CEP63: variants seen among roughly 807,000 people sequenced by gnomAD.
The protein encoded by CEP63 is centrosomal protein 63, also known as centrosomal protein of 63 kDa.
A neutral mutation model predicts 89.1 loss-of-function variants in CEP63; 84 were observed. The observed-to-expected ratio is 0.94, with a 90% CI of 0.79 to 1.13. CEP63 has a LOEUF of 1.13. Among genes scored for constraint, CEP63 ranks in the 50% most tolerant of loss-of-function variants. The pLI is 0.00. For synonymous variants in CEP63, 267 were observed against 272.5 expected (o/e 0.98, Z 0.20); for missense variants, 838 against 813.3 (o/e 1.03, Z -0.37).
the CEP63 span, among the ~76,000 whole-genome samples, chr3:134,734,187 A>G: frequency 6.6e-6 from 1 of 152,250 alleles, no homozygotes; most frequent in Non-Finnish European, 1.5e-5. Context: ...CATGCATTGC[A>G]GCTTTGTTTA....
the CEP63 span, among the ~76,000 whole-genome samples, chr3:134,705,081 G>A: frequency 1.3e-5 from 2 of 152,268 alleles, no homozygotes; most frequent in Middle Eastern, 3.4e-3. Context: ...AAAATAACCT[G>A]CAAGAGGCTA....
At chr3:134,644,054 T>C in the CEP63 span, among the ~76,000 whole-genome samples, 1 of 152,164 alleles carries the variant, frequency 6.6e-6, no homozygotes, top group East Asian at 1.9e-4. Flanking sequence ...CTCGATCTCC[T>C]GACCTTGTGA....
intron 2 of CEP63, among the ~76,000 whole-genome samples, chr3:134,501,380 A>C (rs1358732710): frequency 6.6e-6 from 1 of 152,118 alleles, no homozygotes; most frequent in African/African-American, 2.4e-5. Context: ...AATGACAGTA[A>C]TTTGATAGGA....
intron 12 of CEP63, among the ~76,000 whole-genome samples, chr3:134,557,715 GA>G (rs1956512573): frequency 6.6e-6 from 1 of 152,142 alleles, no homozygotes; most frequent in African/African-American, 2.4e-5. Context: ...CTGCCAGCCA[GA>G]AGATTTTTCT....
Position 134,563,880 on chromosome 3 carries a change from GT to G in CEP63, c.*2347del, listed in dbSNP as rs1957559821. 1 of 152,240 alleles carries G rather than the reference GT, an allele frequency of 6.6e-6. No homozygotes were observed. Among genetic ancestry groups the G allele is most frequent in the Non-Finnish European group, 1.5e-5 (1 of 68,092 alleles). 9.4% of individuals were successfully genotyped at this position (152,240 alleles called of 1,614,324 possible). ...TATTGAGTGCAGCAAGCTTTAACCT[GT>G]TCGGGTCTTTCATTTGCAGTTTACC... On this transcript the variant is annotated 3_prime_UTR_variant, in exon 15 of 15. Coordinates refer to ENST00000675561, the MANE Select transcript of CEP63 (RefSeq NM_001353108.3).
At chr3:134,740,525 C>T in the CEP63 span, among the ~76,000 whole-genome samples, 1 of 152,100 alleles carries the variant, frequency 6.6e-6, no homozygotes, top group Non-Finnish European at 1.5e-5. Context: ...TCTCGATCTC[C>T]TGACCTCGTG....
intron 2 of CEP63, among the ~76,000 whole-genome samples, chr3:134,506,057 T>C (rs1943370618): frequency 6.6e-6 from 1 of 152,180 alleles, no homozygotes; most frequent in Admixed American, 6.5e-5. Context: ...TTGAGTTTTC[T>C]ACTCTTAAGA....
At chr3:134,603,939 C>T in the CEP63 span, 1 of 1,613,990 alleles carries the variant, frequency 6.2e-7, no homozygotes, top group South Asian at 1.1e-5. Context: ...CTGGTTCCTG[C>T]CTCTTCTTGA....
intron 10 of CEP63, among the ~76,000 whole-genome samples, chr3:134,581,632 G>A (rs1013538531): frequency 2.0e-5 from 3 of 150,820 alleles, no homozygotes; most frequent in Non-Finnish European, 4.4e-5. Flanking sequence ...TCACTTTAAT[G>A]CAGAAAAAGC....
chr3:134,699,134 T>A, the CEP63 span, among the ~76,000 whole-genome samples: 1 of 152,092 alleles, frequency 6.6e-6, no homozygotes, highest in African/African-American at 2.4e-5. Flanking sequence ...CTCAGGAGAG[T>A]GTGGACTGCC....
At chr3:134,551,584 G>A (rs1954830175) in intron 11 of CEP63, among the ~76,000 whole-genome samples, 1 of 151,994 alleles carries the variant, frequency 6.6e-6, no homozygotes, top group African/African-American at 2.4e-5. Context: ...GCCAGCACAG[G>A]AGAATGGGTA....
At chr3:134,697,962 C>T in the CEP63 span, among the ~76,000 whole-genome samples, 2 of 152,172 alleles carry the variant, frequency 1.3e-5, no homozygotes, top group African/African-American at 4.8e-5. Context: ...CACACATGTC[C>T]CTCCGTTAGG....
chr3:134,691,438 G>T, the CEP63 span, among the ~76,000 whole-genome samples: 1 of 150,716 alleles, frequency 6.6e-6, no homozygotes, highest in Non-Finnish European at 1.5e-5. Context: ...AACATGACAA[G>T]ACCCTGTCTC....
the CEP63 span, among the ~76,000 whole-genome samples, chr3:134,667,154 C>CTTCAT: frequency 6.6e-6 from 1 of 152,206 alleles, no homozygotes; most frequent in Non-Finnish European, 1.5e-5. Context: ...CAGATTCAAC[C>CTTCAT]TTCATACCGC....
At chr3:134,502,813 C>CT (rs1380703030) in intron 2 of CEP63, among the ~76,000 whole-genome samples, 1 of 151,978 alleles carries the variant, frequency 6.6e-6, no homozygotes, top group Admixed American at 6.6e-5. Flanking sequence ...TTAGTTACTT[C>CT]TTTTTTTCTG....
chr3:134,621,991 T>C, the CEP63 span, among the ~76,000 whole-genome samples: 1 of 152,086 alleles, frequency 6.6e-6, no homozygotes, highest in Admixed American at 6.5e-5. Context: ...ATGAGAGAAA[T>C]GTAAATCAAA....
the CEP63 span, among the ~76,000 whole-genome samples, chr3:134,642,074 G>A: frequency 6.6e-6 from 1 of 152,200 alleles, no homozygotes; most frequent in South Asian, 2.1e-4. Flanking sequence ...CTGTCATAGA[G>A]CTGCATTCTC....
chr3:134,708,739 A>C, the CEP63 span, among the ~76,000 whole-genome samples: 2 of 152,096 alleles, frequency 1.3e-5, no homozygotes, highest in African/African-American at 2.4e-5. Flanking sequence ...TTTGCCCCCA[A>C]ATGATAAAGT....
the CEP63 span, among the ~76,000 whole-genome samples, chr3:134,687,473 G>C: frequency 6.6e-6 from 1 of 152,122 alleles, no homozygotes; most frequent in Non-Finnish European, 1.5e-5. Context: ...TTGCTGTGGG[G>C]TTTTCTCCAG....
Sources: allele counts gnomAD v4.1 joint callset (sites outside exome capture counted in the v4.1 genomes callset), GRCh38; gene constraint gnomAD v4.1.1; transcripts MANE v1.5; gene names NCBI Gene and HGNC (gene_info 2026-07-23, HGNC 2026-07-21).